The following STAB2 variants were observed in gnomAD, a reference collection of about 807,000 sequenced individuals.
STAB2 encodes the protein stabilin 2.
In STAB2, 288 loss-of-function variants were observed where a neutral mutation model predicts 338.1. The observed-to-expected ratio is 0.85, with a 90% CI of 0.77 to 0.94. STAB2 has a LOEUF of 0.94. Among genes scored for constraint, STAB2 ranks in the 40% least tolerant of loss-of-function variants. The pLI, the probability that STAB2 is intolerant of heterozygous loss-of-function variation, is 0.00. For missense variants in STAB2, 3,141 were observed against 3,210.1 expected, an observed-to-expected ratio of 0.98 and a Z score of 0.52; for synonymous variants, 1,202 against 1,193.3, an observed-to-expected ratio of 1.01 and a Z score of -0.15.
intron 66 of STAB2, among the ~76,000 whole-genome samples, chr12:103,761,804 AAGTTAG>A (rs1193942333): frequency 6.6e-6 from 1 of 152,174 alleles, no homozygotes; most frequent in African/African-American, 2.4e-5. Context: ...GAAGGATTGT[AAGTTAG>A]AAATGGAAAA....
chr12:103,711,739 C>T (rs79302268), intron 40 of STAB2, among the ~76,000 whole-genome samples: 2,246 of 152,274 alleles, frequency 0.015, 57 homozygotes, highest in African/African-American at 0.051. Context: ...GGCACATTGA[C>T]GAAAATGCCC....
At position 103,733,096 on chromosome 12, in the gene STAB2, G is replaced by T. The variant is rs1188056736; in HGVS notation, c.5374G>T (p.Ala1792Ser). The T allele has an allele frequency of 6.2e-7, 1 of 1,614,110 alleles. No homozygotes were observed. Among genetic ancestry groups the T allele is most frequent in the East Asian group, 2.2e-5 (1 of 44,874 alleles). The change falls in exon 51 of 69, where the codon GCT (alanine) becomes TCT (serine). Residue 1792 changes from alanine (A) to serine (S), a missense_variant. Transcript: ENST00000388887. ...CGACCAAGCCCTCCATGCCCTACCT[G>T]CTGAACAACAGGACTTCCTGTTCAA... ...PTDQALHALP[A>S]EQQDFLFNQD...
chr12:103,703,367 G>A, intron 35 of STAB2, 91 bp downstream of exon 35: 5 of 1,490,156 alleles, frequency 3.4e-6, no homozygotes, highest in Non-Finnish European at 4.5e-6. Flanking sequence ...TTCTATTAAG[G>A]TGTATCAATT....
chr12:103,703,613 C>T (rs1188769592), intron 35 of STAB2, among the ~76,000 whole-genome samples: 3 of 152,030 alleles, frequency 2.0e-5, no homozygotes, highest in African/African-American at 7.3e-5. Flanking sequence ...GGAAAATGTG[C>T]CATATCTAGG....
chr12:103,648,376 T>C (rs982998151), intron 9 of STAB2, among the ~76,000 whole-genome samples: 1 of 152,214 alleles, frequency 6.6e-6, no homozygotes, highest in Non-Finnish European at 1.5e-5. Flanking sequence ...ACATTTATTA[T>C]ATTAAATATG....
intron 9 of STAB2, among the ~76,000 whole-genome samples, chr12:103,644,122 G>A (rs1350447726): frequency 3.5e-5 from 4 of 112,756 alleles, no homozygotes; most frequent in East Asian, 4.4e-4. Context: ...TTGAGAAATC[G>A]GATGGTTGCC....
In STAB2 at chr12:103,677,597, G is replaced by A; in HGVS notation, c.2791G>A (p.Val931Met). 6.2e-7 allele frequency: 1 copy of A among 1,613,172 alleles called. No homozygotes were observed. Among genetic ancestry groups the A allele is most frequent in the Non-Finnish European group, 8.5e-7 (1 of 1,179,184 alleles). Residue 931 changes from valine to methionine, a missense_variant, in exon 25 of 69, where the codon GTG becomes ATG. By Grantham distance (21) the Val-to-Met change is conservative (BLOSUM62 1). Transcript: ENST00000388887. ...GCHDNASCLYVGPGQNECECK... is the reference protein window; with the variant it reads ...GCHDNASCLYMGPGQNECECK... The stretch of plus-strand genomic sequence containing the variant: ...CCACGACAACGCATCCTGTTTGTAT[G>A]TGGGTCCCGGGCAGGTAGGTTGGAT...
intron 22 of STAB2, among the ~76,000 whole-genome samples, chr12:103,673,041 T>C (rs772531398): frequency 6.6e-6 from 1 of 152,152 alleles, no homozygotes; most frequent in Non-Finnish European, 1.5e-5. Context: ...AGATGGTGCA[T>C]GTGGAAGGCT....
intron 28 of STAB2, among the ~76,000 whole-genome samples, chr12:103,689,514 C>T (rs1417944161): frequency 6.6e-6 from 1 of 151,514 alleles, no homozygotes; most frequent in Non-Finnish European, 1.5e-5. Context: ...AATGAATGCT[C>T]AAGGTTCTCT....
intron 39 of STAB2, among the ~76,000 whole-genome samples, chr12:103,709,835 G>T (rs764581429): frequency 1.3e-5 from 2 of 152,106 alleles, no homozygotes; most frequent in African/African-American, 2.4e-5. Context: ...TAAACAGTAG[G>T]ACATTTTCGG....
At chr12:103,681,537 A>C (rs908829413) in intron 25 of STAB2, among the ~76,000 whole-genome samples, 3 of 150,484 alleles carry the variant, frequency 2.0e-5, no homozygotes, top group Admixed American at 1.3e-4. Context: ...GCTTGTGGAC[A>C]CATCACCCTG....
chr12:103,711,506 A>T lies in STAB2; in HGVS notation c.4324A>T (p.Thr1442Ser), dbSNP rs768043360. ...AGACAACTGCAATGGGACATGCCAT[A>T]CCAGCGCCAAGTAGGTAGCCCTGGG... ...TEDNCNGTCH[T>S]SANCLTNSDG... Residue 1442 changes from threonine (T) to serine (S), a missense_variant, in exon 40 of 69, where the codon ACC becomes TCC. Physicochemically the swap from Thr to Ser is moderately conservative, Grantham distance 58 (BLOSUM62 1). Coordinates refer to ENST00000388887, the MANE Select transcript of STAB2 (RefSeq NM_017564.10). The T allele has an allele frequency of 5.0e-6, 8 of 1,614,038 alleles. No homozygotes were observed. The highest frequency in any genetic ancestry group is 6.8e-6 in the Non-Finnish European group (8 of 1,180,032).
intron 43 of STAB2, among the ~76,000 whole-genome samples, chr12:103,716,090 A>G (rs1382489043): frequency 1.3e-5 from 2 of 152,220 alleles, no homozygotes; most frequent in Non-Finnish European, 2.9e-5. Flanking sequence ...GGGTACTAGG[A>G]CAAGGGGCTT....
chr12:103,717,040 A>G (rs1307983515), intron 43 of STAB2, among the ~76,000 whole-genome samples: 1 of 152,218 alleles, frequency 6.6e-6, no homozygotes, highest in African/African-American at 2.4e-5. Context: ...AGCAGACGTC[A>G]ACCCAGGGCC....
At chr12:103,657,074 T>C (rs1052411890) in intron 15 of STAB2, among the ~76,000 whole-genome samples, 18 of 152,172 alleles carry the variant, frequency 1.2e-4, no homozygotes, top group African/African-American at 4.3e-4. Flanking sequence ...AGATTAGTTA[T>C]AAGTTTCCAT....
At chr12:103,612,821 T>C (rs1957146677) in intron 3 of STAB2, among the ~76,000 whole-genome samples, 1 of 152,212 alleles carries the variant, frequency 6.6e-6, no homozygotes, top group Non-Finnish European at 1.5e-5. Flanking sequence ...TGTGGTTTTA[T>C]CTACCTTTGG....
intron 46 of STAB2, among the ~76,000 whole-genome samples, chr12:103,726,616 C>T (rs1405685959): frequency 6.6e-6 from 1 of 152,154 alleles, no homozygotes; most frequent in Non-Finnish European, 1.5e-5. Flanking sequence ...GAATGTAGTA[C>T]ATGAAAAGAC....
In STAB2 at chr12:103,711,428, A is replaced by T. The variant is rs118180003; in HGVS notation, c.4289-43A>T. ...AAAATACTAAAAATCCTCAGGTGAG[A>T]TTTAGTAAGAGGGCTAAGACAGCAA... On this transcript the variant is annotated intron_variant, in intron 39 of 68. Coordinates refer to ENST00000388887, the MANE Select transcript of STAB2 (RefSeq NM_017564.10). 1.6e-3 allele frequency: 2,604 copies of T among 1,613,028 alleles called. 1 individual carries two copies. The highest frequency in any genetic ancestry group is 1.9e-3 in the Non-Finnish European group (2,246 of 1,179,518).
rs1878650916 is a variant in STAB2 at position 103,699,187 on chromosome 12, G to A, written c.3674G>A (p.Gly1225Asp). The change falls in exon 34 of 69, where the codon GGT becomes GAT. Residue 1225 changes from glycine (G) to aspartate (D), a missense_variant. By Grantham distance (94) the Gly-to-Asp change is moderately conservative. Coordinates refer to ENST00000388887, the MANE Select transcript of STAB2 (RefSeq NM_017564.10). ...GGCATGCATCGTGAGACCATGCTGG[G>A]TTTCTCCTATTTCCTTAGCTTCTTT... is the stretch of plus-strand genomic sequence containing the variant. ...HNGMHRETMLGFSYFLSFFLH... is the reference protein window; with the variant it reads ...HNGMHRETMLDFSYFLSFFLH... 1 of 1,613,144 alleles carries A rather than the reference G, an allele frequency of 6.2e-7. No homozygotes were observed. The highest frequency in any genetic ancestry group is 8.5e-7 in the Non-Finnish European group (1 of 1,179,356).
Sources: gnomAD v4.1 joint callset for allele counts (sites outside exome capture counted in the v4.1 genomes callset) on GRCh38, gnomAD v4.1.1 for gene constraint, MANE v1.5 for transcripts, NCBI Gene and HGNC (gene_info 2026-07-23, HGNC 2026-07-21) for gene names.